Variants in NCAPG2 observed in about 807,000 individuals in gnomAD.
NCAPG2 encodes the protein non-SMC condensin II complex subunit G2, also known as condensin-2 complex subunit G2.
Under a neutral mutation model 141.1 loss-of-function variants are expected in NCAPG2, and 53 were observed. The ratio of observed to expected loss-of-function variants is 0.38; its 90% CI spans 0.30 to 0.47. The LOEUF (loss-of-function observed/expected upper bound fraction) is 0.47, where lower values mean the gene tolerates loss of function less well. NCAPG2 is among the 20% of genes least tolerant of loss of function. NCAPG2 has a pLI of 0.99. For synonymous variants in NCAPG2, 499 were observed against 490.7 expected, an observed-to-expected ratio of 1.02 and a Z score of -0.22; for missense variants, 1,087 against 1,389.0, an observed-to-expected ratio of 0.78 and a Z score of 3.46.
At chr7:158,658,991 A>T (rs1252886879) in intron 16 of NCAPG2, among the ~76,000 whole-genome samples, 1 of 148,474 alleles carries the variant, frequency 6.7e-6, no homozygotes, top group East Asian at 2.0e-4. Context: ...TACAGTAAGC[A>T]TTCACTCCAG....
At chr7:158,672,639 C>G (rs1833815875) in intron 12 of NCAPG2, among the ~76,000 whole-genome samples, 1 of 151,914 alleles carries the variant, frequency 6.6e-6, no homozygotes, top group Admixed American at 6.6e-5. Context: ...TCATGCCTGG[C>G]CACATATATT....
At chr7:158,637,523 G>A (rs1042805431) in intron 27 of NCAPG2, among the ~76,000 whole-genome samples, 6 of 152,252 alleles carry the variant, frequency 3.9e-5, no homozygotes, top group Admixed American at 3.9e-4. Context: ...CACCCCATCC[G>A]AGCCACACAC....
At chr7:158,653,775 GA>G (rs1745335678) in intron 22 of NCAPG2, among the ~76,000 whole-genome samples, 1 of 152,228 alleles carries the variant, frequency 6.6e-6, no homozygotes, top group African/African-American at 2.4e-5. Flanking sequence ...TAGGCTTAAA[GA>G]AATGTCAACA....
At chr7:158,656,822 A>T in intron 17 of NCAPG2, 117 bp from the exon 18 acceptor site, 1 of 1,185,976 alleles carries the variant, frequency 8.4e-7, no homozygotes, top group Non-Finnish European at 1.2e-6. Context: ...CCTTGTTATT[A>T]TATTAGCACT....
intron 22 of NCAPG2, 124 bp downstream of exon 22, chr7:158,654,471 G>A: frequency 1.1e-6 from 1 of 946,912 alleles, no homozygotes; most frequent in South Asian, 2.2e-5. Context: ...CCTTTTTTGG[G>A]ATATGCCAGG....
intron 12 of NCAPG2, among the ~76,000 whole-genome samples, chr7:158,675,228 G>A (rs1438116809): frequency 1.3e-5 from 2 of 152,130 alleles, no homozygotes; most frequent in Non-Finnish European, 2.9e-5. Flanking sequence ...AGACAAAAGA[G>A]AATAAATTCA....
chr7:158,695,285 T>A (rs968485800), intron 2 of NCAPG2, among the ~76,000 whole-genome samples: 1 of 152,144 alleles, frequency 6.6e-6, no homozygotes, highest in Non-Finnish European at 1.5e-5. Context: ...CAGAAACGAA[T>A]CAGGACCCAC....
At chr7:158,696,649 T>C (rs534719312) in intron 2 of NCAPG2, 2 of 152,364 alleles carry the variant, frequency 1.3e-5, no homozygotes, top group South Asian at 4.1e-4. Flanking sequence ...TTCCTTTGAA[T>C]TCCTCTTGCA....
Position 158,646,517 on chromosome 7 carries a change from A to T in NCAPG2, c.3122T>A (p.Leu1041His). The change falls in exon 25 of 28, where the codon CTT becomes CAT. Residue 1041 changes from leucine (L) to histidine (H), a missense_variant. Coordinates refer to ENST00000356309, the MANE Select transcript of NCAPG2 (RefSeq NM_017760.7). ...TATTAAACACCTTGAAAATGGTGGA[A>T]GATCAGAAAGATGCTCTGGAGGGGT... ...ELTPPEHLSDLPPFSRCLIGI... is the reference protein window; with the variant it reads ...ELTPPEHLSDHPPFSRCLIGI... 1 of 1,583,196 alleles carries T rather than the reference A, an allele frequency of 6.3e-7. No homozygotes were observed.
chr7:158,660,598 T>C (rs1832422232), intron 16 of NCAPG2, among the ~76,000 whole-genome samples: 1 of 151,922 alleles, frequency 6.6e-6, no homozygotes, highest in South Asian at 2.1e-4. Context: ...TTAAATTTTG[T>C]AGAAACGAGG....
At chr7:158,692,385 A>T (rs1835174297) in intron 4 of NCAPG2, among the ~76,000 whole-genome samples, 1 of 152,252 alleles carries the variant, frequency 6.6e-6, no homozygotes. Context: ...CTAGCTGAAG[A>T]AAAAGAACTT....
At chr7:158,643,757 C>G (rs543435239) in intron 27 of NCAPG2, among the ~76,000 whole-genome samples, 3 of 152,122 alleles carry the variant, frequency 2.0e-5, no homozygotes, top group African/African-American at 7.2e-5. Flanking sequence ...AATTCAAAAC[C>G]GAGTCTATAG....
chr7:158,703,810 C>T lies in NCAPG2; in HGVS notation c.-40+914G>A, dbSNP rs534106807. 366 of 152,666 alleles carry T rather than the reference C, an allele frequency of 2.4e-3. 2 individuals are homozygous for T. Among genetic ancestry groups the T allele is most frequent in the Non-Finnish European group, 4.2e-3 (287 of 68,212 alleles). 9.5% of individuals were successfully genotyped at this position (152,666 alleles called of 1,614,324 possible). A position where few individuals can be genotyped will look rare whatever the true frequency, so the allele number is the denominator to read the frequency against. ...TTCCTCATGGACACAACAAGAGGCA[C>T]CAAACCAGCAACAAGAGTTCAGGAG... On this transcript the variant is annotated intron_variant, in intron 1 of 27. Transcript: ENST00000356309.
intron 2 of NCAPG2, among the ~76,000 whole-genome samples, chr7:158,695,172 T>C (rs924862192): frequency 1.3e-5 from 2 of 152,120 alleles, no homozygotes; most frequent in Non-Finnish European, 2.9e-5. Flanking sequence ...ATCAAGAGGT[T>C]CTATTCAGGG....
intron 1 of NCAPG2, 85 bp from the exon 2 acceptor site, chr7:158,702,023 G>C: frequency 2.5e-6 from 2 of 815,444 alleles, no homozygotes; most frequent in Non-Finnish European, 3.7e-6. Flanking sequence ...TCCAAGAACT[G>C]CAAGAAAATT....
intron 11 of NCAPG2, 122 bp downstream of exon 11, chr7:158,679,838 C>A: frequency 7.6e-7 from 1 of 1,311,206 alleles, no homozygotes; most frequent in Admixed American, 2.3e-5. Flanking sequence ...GTTTAGAAAC[C>A]ATGCCATGTG....
At chr7:158,641,559 G>GAAAAA in intron 27 of NCAPG2, 3 of 483,772 alleles carry the variant, frequency 6.2e-6, no homozygotes, top group South Asian at 2.6e-5. Context: ...TCATATCTTG[G>GAAAAA]AAAAAAAAAA....
At chr7:158,656,773 G>A in intron 17 of NCAPG2, 68 bp from the exon 18 acceptor site, 4 of 1,545,124 alleles carry the variant, frequency 2.6e-6, no homozygotes, top group Non-Finnish European at 3.5e-6. Flanking sequence ...GTCAAAAGGT[G>A]AGGAAAACCA....
rs1424708658 is a variant in NCAPG2, at chr7:158,646,445, AG to A, written c.3179+14del. On this transcript the variant is annotated intron_variant, in intron 25 of 27. Transcript: ENST00000356309. ...CACGATGAGCATTTCAGGACAGTAA[AG>A]AGAAAGTGATTACCTGACCACATTC... The A allele has an allele frequency of 6.4e-7, 1 of 1,574,800 alleles. No homozygotes were observed.
Sources: gnomAD v4.1 joint callset for allele counts (sites outside exome capture counted in the v4.1 genomes callset) on GRCh38, gnomAD v4.1.1 for gene constraint, MANE v1.5 for transcripts, NCBI Gene and HGNC (gene_info 2026-07-23, HGNC 2026-07-21) for gene names.